ANO6: variants seen among roughly 807,000 people sequenced by gnomAD.
ANO6 encodes anoctamin-6.
Under a neutral mutation model 117.5 loss-of-function variants are expected in ANO6, and 106 were observed. The observed-to-expected ratio is 0.90, with a 90% confidence interval of 0.77 to 1.06. ANO6 has a LOEUF of 1.06. Among genes scored for constraint, ANO6 ranks in the 50% least tolerant of loss-of-function variants. The pLI is 0.00. For missense variants in ANO6, 955 were observed against 1,121.1 expected (o/e 0.85, Z 2.12); for synonymous variants, 367 against 385.1 (o/e 0.95, Z 0.55).
At chr12:45,417,227 GT>G (rs202131547) in intron 17 of ANO6, among the ~76,000 whole-genome samples, 1 of 151,834 alleles carries the variant, frequency 6.6e-6, no homozygotes, top group African/African-American at 2.4e-5. Context: ...ATCAGAAAAT[GT>G]TTTTTTTATA....
intron 9 of ANO6, among the ~76,000 whole-genome samples, chr12:45,372,371 A>G (rs1397839490): frequency 1.1e-4 from 16 of 139,924 alleles, no homozygotes; most frequent in Non-Finnish European, 2.0e-4. Context: ...TGCCACAAAG[A>G]TACTCCTCGA....
At chr12:45,403,907 T>C (rs1245169279) in intron 15 of ANO6, among the ~76,000 whole-genome samples, 3 of 152,136 alleles carry the variant, frequency 2.0e-5, no homozygotes, top group Admixed American at 2.0e-4. Flanking sequence ...CTCCTCTCTT[T>C]CCTATATATT....
intron 15 of ANO6, among the ~76,000 whole-genome samples, chr12:45,408,779 G>A (rs1943011056): frequency 6.6e-6 from 1 of 152,106 alleles, no homozygotes; most frequent in South Asian, 2.1e-4. Flanking sequence ...TGTGAACCAT[G>A]GAGACCTGCT....
chr12:45,409,286 A>G (rs1943025037), intron 15 of ANO6, 71 bp from the exon 16 acceptor site: 14 of 1,579,848 alleles, frequency 8.9e-6, no homozygotes, highest in Non-Finnish European at 1.2e-5. Flanking sequence ...GCTTTGAGAT[A>G]GCAGCAAAAT....
chr12:45,288,868 C>T (rs1321008462), intron 1 of ANO6, among the ~76,000 whole-genome samples: 1 of 151,960 alleles, frequency 6.6e-6, no homozygotes, highest in Non-Finnish European at 1.5e-5. Flanking sequence ...CTGCCTCAGC[C>T]TCCCGAGTAG....
intron 1 of ANO6, among the ~76,000 whole-genome samples, chr12:45,225,315 C>T (rs2137126901): frequency 6.6e-6 from 1 of 151,092 alleles, no homozygotes; most frequent in Middle Eastern, 3.5e-3. Flanking sequence ...TTTAGGTTTT[C>T]TTCTGTTACA....
At chr12:45,428,243 T>C (rs1943552521) in intron 19 of ANO6, among the ~76,000 whole-genome samples, 1 of 152,182 alleles carries the variant, frequency 6.6e-6, no homozygotes, top group Admixed American at 6.5e-5. Context: ...TATAGTGTAG[T>C]CACACAGAAG....
chr12:45,241,428 G>A (rs569893903), intron 1 of ANO6, among the ~76,000 whole-genome samples: 1 of 152,162 alleles, frequency 6.6e-6, no homozygotes, highest in East Asian at 1.9e-4. Flanking sequence ...TCTCTACACT[G>A]GTTATTCTAG....
intron 12 of ANO6, among the ~76,000 whole-genome samples, chr12:45,398,341 TG>T (rs1301597156): frequency 1.3e-5 from 2 of 152,224 alleles, no homozygotes; most frequent in Admixed American, 1.3e-4. Flanking sequence ...AAGTGAGATA[TG>T]ATTTTTCACC....
Position 45,401,905 on chromosome 12 carries a change from GA to G in ANO6, c.1500del (p.Lys500AsnfsTer3). Reference protein sequence around the residue: ...KNINGTDPIQKYLTPQTATSI... With the variant: ...KNINGTDPIQXYLTPQTATSI... Reference sequence around the variant, plus strand: ...ACATTAATGGAACAGACCCAATCCAGAAATACCTGACTCCACAGACAGCCAC... The same window carrying G: ...ACATTAATGGAACAGACCCAATCCAGAATACCTGACTCCACAGACAGCCAC... On this transcript the variant is annotated frameshift_variant, in exon 13 of 20. Transcript: ENST00000320560. LOFTEE classifies it high-confidence loss of function. 1 of 1,613,938 alleles carries G rather than the reference GA, an allele frequency of 6.2e-7. No individual in the cohort carries two copies. The highest frequency in any genetic ancestry group is 8.5e-7 in the Non-Finnish European group (1 of 1,179,974).
chr12:45,297,528 T>TA (rs1407576559), intron 1 of ANO6, among the ~76,000 whole-genome samples: 1 of 152,226 alleles, frequency 6.6e-6, no homozygotes, highest in Non-Finnish European at 1.5e-5. Flanking sequence ...ACTCCATTTC[T>TA]AATTGGTAGA....
chr12:45,234,783 G>A (rs1462927942), intron 1 of ANO6, among the ~76,000 whole-genome samples: 1 of 145,808 alleles, frequency 6.9e-6, no homozygotes, highest in African/African-American at 2.6e-5. Context: ...CCAGTCTCTG[G>A]AACCAATTCT....
intron 15 of ANO6, 24 bp downstream of exon 15, chr12:45,403,560 T>C (rs1942854553): frequency 1.9e-6 from 3 of 1,580,926 alleles, no homozygotes; most frequent in South Asian, 2.2e-5. Context: ...TGTATAGCCA[T>C]GGGTAAAAGG....
chr12:45,273,219 A>G (rs1009914696), intron 1 of ANO6, among the ~76,000 whole-genome samples: 1 of 152,190 alleles, frequency 6.6e-6, no homozygotes, highest in Non-Finnish European at 1.5e-5. Context: ...GATCTAATGT[A>G]CAGTATGAAT....
At chr12:45,331,989 C>T (rs1162201296) in intron 3 of ANO6, among the ~76,000 whole-genome samples, 3 of 152,018 alleles carry the variant, frequency 2.0e-5, no homozygotes, top group East Asian at 1.9e-4. Flanking sequence ...CTCTTGACCT[C>T]GCATTTTTCT....
chr12:45,395,174 A>G (rs559320316), intron 12 of ANO6, among the ~76,000 whole-genome samples: 87 of 152,354 alleles, frequency 5.7e-4, no homozygotes, highest in Non-Finnish European at 1.2e-3. Context: ...CACTGATCCC[A>G]TAGAAATACA....
chr12:45,329,004 A>G (rs891318858), intron 2 of ANO6, among the ~76,000 whole-genome samples: 86 of 152,292 alleles, frequency 5.6e-4, no homozygotes, highest in African/African-American at 2.0e-3. Flanking sequence ...CTCCAATCTC[A>G]GTAAATGACA....
At chr12:45,266,181 T>C (rs1938208756) in intron 1 of ANO6, among the ~76,000 whole-genome samples, 1 of 152,234 alleles carries the variant, frequency 6.6e-6, no homozygotes, top group South Asian at 2.1e-4. Context: ...CTTAACCCAC[T>C]TACAAATCTT....
chr12:45,347,240 A>AG, intron 4 of ANO6, 153 bp downstream of exon 4: 1 of 701,542 alleles, frequency 1.4e-6, no homozygotes, highest in Non-Finnish European at 2.5e-6. Context: ...TGCATTGTGT[A>AG]GGATGTATTC....
Sources: gnomAD v4.1 joint callset for allele counts (sites outside exome capture counted in the v4.1 genomes callset) on GRCh38, gnomAD v4.1.1 for gene constraint, MANE v1.5 for transcripts, NCBI Gene and HGNC (gene_info 2026-07-23, HGNC 2026-07-21) for gene names.